Variants in FIP1L1 observed in about 807,000 individuals in gnomAD.
The protein encoded by FIP1L1 is pre-mRNA 3'-end-processing factor FIP1.
FIP1L1 carries 21 observed loss-of-function variants against 84.6 expected under a neutral mutation model. The ratio of observed to expected loss-of-function variants is 0.25; its 90% CI spans 0.18 to 0.36. FIP1L1 has a LOEUF of 0.36. Ranked by LOEUF, FIP1L1 falls within the 10% of genes least tolerant of loss-of-function variation. FIP1L1 has a pLI of 1.00. For synonymous variants in FIP1L1, 263 were observed against 242.3 expected (o/e 1.09, Z -0.80); for missense variants, 526 against 751.1 (o/e 0.70, Z 3.50).
At chr4:53,384,350 G>A (rs1415125543) in intron 5 of FIP1L1, among the ~76,000 whole-genome samples, 3 of 151,896 alleles carry the variant, frequency 2.0e-5, no homozygotes, top group African/African-American at 2.4e-5. Context: ...TGGAGGTTGC[G>A]GTGAACCCAG....
At position 53,377,663 on chromosome 4, in the gene FIP1L1, G is replaced by A. The variant is rs887713288; in HGVS notation, c.-176G>A. 3 of 582,500 alleles carry A rather than the reference G, an allele frequency of 5.2e-6. No individual in the cohort carries two copies. The highest frequency in any genetic ancestry group is 8.7e-6 in the Non-Finnish European group (3 of 342,920). The allele number at this position is 582,500 out of a possible 1,614,324, so 36.1% of individuals were successfully genotyped here. A position where few individuals can be genotyped will look rare whatever the true frequency, so the allele number is the denominator to read the frequency against. ...CCTGCGCATGCGCAGACGGACCTGC[G>A]CTGGAGGCTTCATCTTTGCCGCCGC... On this transcript the variant is annotated 5_prime_UTR_variant, in exon 1 of 18. Transcript: ENST00000337488.
chr4:53,433,056 T>C (rs1017371740), intron 13 of FIP1L1, among the ~76,000 whole-genome samples: 2 of 152,070 alleles, frequency 1.3e-5, no homozygotes, highest in African/African-American at 4.8e-5. Context: ...TTTTGAAATA[T>C]TTGTTTATTG....
At chr4:53,438,532 T>C (rs1430190413) in intron 13 of FIP1L1, among the ~76,000 whole-genome samples, 1 of 152,228 alleles carries the variant, frequency 6.6e-6, no homozygotes, top group Non-Finnish European at 1.5e-5. Flanking sequence ...TTAGATGAAA[T>C]GGAGGTCTCA....
intron 11 of FIP1L1, among the ~76,000 whole-genome samples, chr4:53,421,321 G>T (rs1434213484): frequency 6.6e-6 from 1 of 152,134 alleles, no homozygotes; most frequent in Admixed American, 6.5e-5. Flanking sequence ...TATCAAAGGT[G>T]CATGATACTT....
intron 13 of FIP1L1, chr4:53,440,550 T>C: frequency 7.2e-7 from 1 of 1,391,108 alleles, no homozygotes; most frequent in Non-Finnish European, 1.0e-6. Context: ...GAAATCCAAT[T>C]ACTATATTAA....
intron 9 of FIP1L1, among the ~76,000 whole-genome samples, chr4:53,393,981 C>G (rs1245589426): frequency 2.0e-5 from 3 of 151,826 alleles, no homozygotes; most frequent in Non-Finnish European, 2.9e-5. Context: ...TTCGAATGGT[C>G]TTCTAATTTT....
intron 3 of FIP1L1, 119 bp from the exon 4 acceptor site, chr4:53,382,159 T>C (rs1738421427): frequency 1.5e-6 from 1 of 646,312 alleles, no homozygotes; most frequent in Non-Finnish European, 2.7e-6. Context: ...TTACCATTAC[T>C]GTCTCCAGTG....
intron 11 of FIP1L1, among the ~76,000 whole-genome samples, chr4:53,421,184 A>T (rs886602234): frequency 2.0e-5 from 3 of 152,210 alleles, no homozygotes; most frequent in Admixed American, 1.3e-4. Flanking sequence ...AAGTAAAATG[A>T]TAGATGTAGT....
At chr4:53,458,025 T>A (rs1720300159) in intron 16 of FIP1L1, among the ~76,000 whole-genome samples, 1 of 152,236 alleles carries the variant, frequency 6.6e-6, no homozygotes, top group Middle Eastern at 3.4e-3. Flanking sequence ...CCCACACAGA[T>A]GTAATTAGGA....
chr4:53,457,567 C>G (rs1367148679), intron 16 of FIP1L1, among the ~76,000 whole-genome samples: 1 of 152,034 alleles, frequency 6.6e-6, no homozygotes, highest in Non-Finnish European at 1.5e-5. Flanking sequence ...GCTGACATGT[C>G]TTTTAAAACA....
chr4:53,393,764 GCCCCCCCCCCCCCC>G lies in FIP1L1; in HGVS notation c.705+2270_705+2283del, dbSNP rs35029503. Among the ~76,000 whole-genome samples, 11 of 87,950 alleles carry G rather than the reference GCCCCCCCCCCCCCC, an allele frequency of 1.3e-4. 1 individual carries two copies. Among genetic ancestry groups the G allele is most frequent in the African/African-American group, 4.0e-4 (10 of 25,056 alleles). 57.7% of individuals were successfully genotyped at this position (87,950 alleles called of 152,430 possible). ...CACATATGCATAGATTTTCCCCCCG[GCCCCCCCCCCCCCC>G]CCCGCCCCCGGCTGTGAATGTATGA... On this transcript the variant is annotated intron_variant, in intron 9 of 17. Coordinates refer to ENST00000337488, the MANE Select transcript of FIP1L1 (RefSeq NM_030917.4).
intron 5 of FIP1L1, among the ~76,000 whole-genome samples, chr4:53,384,686 C>T (rs2149307096): frequency 6.6e-6 from 1 of 152,236 alleles, no homozygotes; most frequent in East Asian, 1.9e-4. Context: ...CTGTCATTGA[C>T]TCATTGAGCG....
At chr4:53,391,374 G>A in intron 8 of FIP1L1, 56 bp from the exon 9 acceptor site, 1 of 1,435,440 alleles carries the variant, frequency 7.0e-7, no homozygotes, top group African/African-American at 1.4e-5. Flanking sequence ...TCTTTATATG[G>A]CCTATTAATT....
chr4:53,448,610 T>C (rs1775157634), intron 15 of FIP1L1, among the ~76,000 whole-genome samples: 1 of 152,164 alleles, frequency 6.6e-6, no homozygotes, highest in South Asian at 2.1e-4. Flanking sequence ...GAAATCAAAA[T>C]ATTAATTTCC....
intron 10 of FIP1L1, among the ~76,000 whole-genome samples, chr4:53,400,589 T>G (rs1749697639): frequency 6.6e-6 from 1 of 152,200 alleles, no homozygotes; most frequent in South Asian, 2.1e-4. Flanking sequence ...TTAAATTTAT[T>G]TTATATAGTT....
At chr4:53,434,993 G>T (rs1472958320) in intron 13 of FIP1L1, among the ~76,000 whole-genome samples, 4 of 152,036 alleles carry the variant, frequency 2.6e-5, no homozygotes, top group Non-Finnish European at 5.9e-5. Flanking sequence ...ATAATACCAT[G>T]AATTTTTGGT....
At chr4:53,390,065 A>G (rs1743360676) in intron 6 of FIP1L1, among the ~76,000 whole-genome samples, 192 bp downstream of exon 6, 1 of 151,964 alleles carries the variant, frequency 6.6e-6, no homozygotes, top group South Asian at 2.1e-4. Context: ...CACCTTCTCA[A>G]GTAGCTGGGA....
chr4:53,387,448 A>T (rs569166525), intron 5 of FIP1L1, among the ~76,000 whole-genome samples: 22 of 152,342 alleles, frequency 1.4e-4, no homozygotes, highest in Non-Finnish European at 2.1e-4. Flanking sequence ...GATTCATTTG[A>T]CATGTTTATT....
At chr4:53,415,522 G>GT (rs1368871545) in intron 11 of FIP1L1, among the ~76,000 whole-genome samples, 10 of 87,722 alleles carry the variant, frequency 1.1e-4, no homozygotes, top group African/African-American at 2.5e-4. Flanking sequence ...GGGTAATTTT[G>GT]TTTTTTGTTT....
Sources: gnomAD v4.1 joint callset for allele counts (sites outside exome capture counted in the v4.1 genomes callset) on GRCh38, gnomAD v4.1.1 for gene constraint, MANE v1.5 for transcripts, NCBI Gene and HGNC (gene_info 2026-07-23, HGNC 2026-07-21) for gene names.